The following STAU2 variants were observed in gnomAD, a reference collection of about 807,000 sequenced individuals.
STAU2 encodes double-stranded RNA-binding protein Staufen homolog 2.
A neutral mutation model predicts 65.9 loss-of-function variants in STAU2; 20 were observed. The observed-to-expected ratio is 0.30, with a 90% CI of 0.21 to 0.44. STAU2 has a LOEUF of 0.44. STAU2 is among the 20% of genes least tolerant of loss of function. STAU2 has a pLI of 1.00. For synonymous variants in STAU2, 232 were observed against 233.9 expected (o/e 0.99, Z 0.07); for missense variants, 558 against 683.9 (o/e 0.82, Z 2.05).
At chr8:73,684,901 T>C (rs1469849418) in intron 5 of STAU2, among the ~76,000 whole-genome samples, 2 of 152,178 alleles carry the variant, frequency 1.3e-5, no homozygotes, top group African/African-American at 4.8e-5. Flanking sequence ...CACAATGCAA[T>C]ACCAACTGAT....
At chr8:73,627,223 A>G (rs141679391) in intron 6 of STAU2, among the ~76,000 whole-genome samples, 842 of 2,956 alleles carry the variant, frequency 0.28, 23 homozygotes, top group Non-Finnish European at 0.49. Flanking sequence ...GGGGGGGGGG[A>G]GGGGGGGGCA....
At chr8:73,626,628 A>C (rs1373102879) in intron 6 of STAU2, among the ~76,000 whole-genome samples, 1 of 152,222 alleles carries the variant, frequency 6.6e-6, no homozygotes. Flanking sequence ...GCAGTGCTAC[A>C]ATTTCACTTA....
intron 10 of STAU2, among the ~76,000 whole-genome samples, chr8:73,601,571 T>C (rs1474866018): frequency 1.3e-5 from 2 of 152,206 alleles, no homozygotes; most frequent in African/African-American, 2.4e-5. Flanking sequence ...AATGATAACA[T>C]TGCCTAAGTA....
At chr8:73,423,282 GAGCCT>G (rs1368450543) in intron 13 of STAU2, among the ~76,000 whole-genome samples, 1 of 152,234 alleles carries the variant, frequency 6.6e-6, no homozygotes, top group Non-Finnish European at 1.5e-5. Context: ...CTGCCGGGCA[GAGCCT>G]CCCGAGGTGT....
chr8:73,451,219 A>G (rs938262902), intron 13 of STAU2, among the ~76,000 whole-genome samples: 2 of 152,176 alleles, frequency 1.3e-5, no homozygotes, highest in African/African-American at 4.8e-5. Context: ...GGCTCATCCC[A>G]CTTGAACCTA....
chr8:73,556,575 T>C (rs964438399), intron 12 of STAU2, among the ~76,000 whole-genome samples: 6 of 152,012 alleles, frequency 3.9e-5, no homozygotes, highest in Non-Finnish European at 8.8e-5. Flanking sequence ...GGCCAACATG[T>C]TGAAACCCCG....
At chr8:73,744,773 T>C (rs1807157767) in intron 1 of STAU2, among the ~76,000 whole-genome samples, 1 of 152,136 alleles carries the variant, frequency 6.6e-6, no homozygotes, top group South Asian at 2.1e-4. Flanking sequence ...AGGGGAAAAA[T>C]ATTTTGTGTG....
intron 13 of STAU2, among the ~76,000 whole-genome samples, chr8:73,476,918 G>A (rs1240712373): frequency 6.6e-6 from 1 of 152,188 alleles, no homozygotes; most frequent in Non-Finnish European, 1.5e-5. Flanking sequence ...TGAGAATATT[G>A]CATATATACC....
At chr8:73,568,533 T>A (rs1387029343) in intron 12 of STAU2, among the ~76,000 whole-genome samples, 1 of 151,754 alleles carries the variant, frequency 6.6e-6, no homozygotes, top group African/African-American at 2.4e-5. Context: ...AGCCCAGGAG[T>A]TCAAGTCTGC....
chr8:73,736,097 T>C (rs1238860522), intron 3 of STAU2, among the ~76,000 whole-genome samples: 1 of 152,254 alleles, frequency 6.6e-6, no homozygotes, highest in African/African-American at 2.4e-5. Flanking sequence ...TTATTAGTAA[T>C]GTTTTTGATT....
chr8:73,540,054 A>T (rs1806445991), intron 13 of STAU2, among the ~76,000 whole-genome samples: 1 of 152,134 alleles, frequency 6.6e-6, no homozygotes, highest in African/African-American at 2.4e-5. Context: ...TACAGATTAA[A>T]GGAAAAAAGA....
intron 5 of STAU2, chr8:73,675,386 C>CACAT (rs1480687940): frequency 1.3e-5 from 2 of 151,878 alleles, no homozygotes; most frequent in African/African-American, 4.8e-5. Context: ...CACACACACA[C>CACAT]ACACACACAC....
chr8:73,684,129 A>G (rs1818625464), intron 5 of STAU2, among the ~76,000 whole-genome samples: 1 of 152,202 alleles, frequency 6.6e-6, no homozygotes, highest in African/African-American at 2.4e-5. Context: ...ATATGGAACC[A>G]AAAAAGAGCC....
chr8:73,587,769 T>A (rs1810480453), intron 11 of STAU2, among the ~76,000 whole-genome samples: 1 of 152,164 alleles, frequency 6.6e-6, no homozygotes, highest in Non-Finnish European at 1.5e-5. Flanking sequence ...AAATAAATAG[T>A]TACAATAGGT....
chr8:73,708,934 T>C (rs6982663), intron 4 of STAU2, 98 bp downstream of exon 4: 290,121 of 1,232,450 alleles, frequency 0.24, 36,405 homozygotes, highest in East Asian at 0.43. Context: ...AGCCATCTGC[T>C]GAACCCCCAC....
rs534481017 is a variant in STAU2, at chr8:73,465,295, G to A, written c.1531-42593C>T. Among the ~76,000 whole-genome samples, 36 of 152,260 alleles carry A rather than the reference G, an allele frequency of 2.4e-4. No individual in the cohort carries two copies. In the South Asian group the frequency reaches 2.9e-3, roughly 12 times the overall value. Reference sequence around the variant, plus strand: ...GCCTATTTTGTGTTTTCTAGCACACGCAATAATATCGTAGTAAGTATTTAA... The same window carrying A: ...GCCTATTTTGTGTTTTCTAGCACACACAATAATATCGTAGTAAGTATTTAA... On this transcript the variant is annotated intron_variant, in intron 13 of 14. Transcript: ENST00000524300.
chr8:73,443,584 G>A (rs374202840), intron 13 of STAU2, among the ~76,000 whole-genome samples: 17 of 152,320 alleles, frequency 1.1e-4, no homozygotes, highest in South Asian at 6.2e-4. Flanking sequence ...TGGGTGCAGC[G>A]TATCACACTG....
At chr8:73,589,785 A>G (rs1345076002) in intron 11 of STAU2, among the ~76,000 whole-genome samples, 1 of 152,182 alleles carries the variant, frequency 6.6e-6, no homozygotes, top group East Asian at 1.9e-4. Flanking sequence ...ATATTTTAAA[A>G]GATAATAGCT....
intron 13 of STAU2, among the ~76,000 whole-genome samples, chr8:73,544,809 A>C (rs1401363899): frequency 6.6e-6 from 1 of 152,210 alleles, no homozygotes; most frequent in African/African-American, 2.4e-5. Flanking sequence ...CAAACATTTA[A>C]CTATTTTTAT....
Sources: gnomAD v4.1 joint callset for allele counts (sites outside exome capture counted in the v4.1 genomes callset) on GRCh38, gnomAD v4.1.1 for gene constraint, MANE v1.5 for transcripts, NCBI Gene and HGNC (gene_info 2026-07-23, HGNC 2026-07-21) for gene names.